The following PITPNC1 variants were observed in gnomAD, a reference collection of about 807,000 sequenced individuals.
The protein encoded by PITPNC1 is cytoplasmic phosphatidylinositol transfer protein 1.
In PITPNC1, 18 loss-of-function variants were observed where a neutral mutation model predicts 44.7. The ratio of observed to expected loss-of-function variants is 0.40; its 90% CI spans 0.28 to 0.60. The LOEUF (loss-of-function observed/expected upper bound fraction) is 0.60, where lower values mean the gene tolerates loss of function less well. Ranked by LOEUF, PITPNC1 falls within the 20% of genes least tolerant of loss-of-function variation. The probability of loss-of-function intolerance (pLI) is 0.39; values close to 1 mark genes in which losing one functional copy is unlikely to be tolerated. For missense variants in PITPNC1, 290 were observed against 418.4 expected (o/e 0.69, Z 2.68); for synonymous variants, 141 against 149.6 (o/e 0.94, Z 0.42).
chr17:67,403,947 G>C (rs577077655), intron 1 of PITPNC1, among the ~76,000 whole-genome samples: 1 of 152,254 alleles, frequency 6.6e-6, no homozygotes, highest in South Asian at 2.1e-4. Flanking sequence ...CCTTGAACCT[G>C]GGAGGTGGAG....
chr17:67,440,856 G>A (rs1390540456), intron 1 of PITPNC1, among the ~76,000 whole-genome samples: 1 of 151,994 alleles, frequency 6.6e-6, no homozygotes, highest in East Asian at 1.9e-4. Flanking sequence ...CCTCTTGCAG[G>A]ACTTTTGGGG....
intron 1 of PITPNC1, among the ~76,000 whole-genome samples, chr17:67,512,248 C>G (rs1031499337): frequency 1.3e-5 from 2 of 152,198 alleles, no homozygotes; most frequent in Non-Finnish European, 2.9e-5. Flanking sequence ...CCTGTAATCC[C>G]AGCACTTTGG....
At chr17:67,517,016 G>A (rs2040267635) in intron 1 of PITPNC1, among the ~76,000 whole-genome samples, 1 of 152,100 alleles carries the variant, frequency 6.6e-6, no homozygotes, top group African/African-American at 2.4e-5. Flanking sequence ...CACCCTTTCT[G>A]TCAATGCTGT....
intron 6 of PITPNC1, chr17:67,632,568 T>A: frequency 2.8e-5 from 5 of 176,468 alleles, no homozygotes; most frequent in East Asian, 1.3e-4. Flanking sequence ...TTACATGCGC[T>A]CTTTTTTTTT....
chr17:67,499,432 G>A (rs1255254508), intron 1 of PITPNC1, among the ~76,000 whole-genome samples: 1 of 151,826 alleles, frequency 6.6e-6, no homozygotes, highest in African/African-American at 2.4e-5. Flanking sequence ...GCCCAGGCTG[G>A]TCTTGAACTC....
intron 5 of PITPNC1, among the ~76,000 whole-genome samples, chr17:67,622,758 C>T (rs1199928737): frequency 1.3e-5 from 2 of 151,882 alleles, no homozygotes; most frequent in African/African-American, 4.8e-5. Context: ...TGCCTGTAGT[C>T]CCAGCTACTT....
At chr17:67,502,596 G>A (rs1184588043) in intron 1 of PITPNC1, among the ~76,000 whole-genome samples, 1 of 152,164 alleles carries the variant, frequency 6.6e-6, no homozygotes, top group African/African-American at 2.4e-5. Flanking sequence ...CTGCCATGGG[G>A]TAGAAGGGTT....
At chr17:67,610,476 A>C (rs1417017927) in intron 5 of PITPNC1, among the ~76,000 whole-genome samples, 1 of 152,212 alleles carries the variant, frequency 6.6e-6, no homozygotes, top group African/African-American at 2.4e-5. Context: ...TCTGATTTTT[A>C]CTTTTTTCTC....
intron 1 of PITPNC1, among the ~76,000 whole-genome samples, chr17:67,406,933 G>C (rs550805403): frequency 6.6e-6 from 1 of 152,126 alleles, no homozygotes; most frequent in African/African-American, 2.4e-5. Context: ...TATATATTTC[G>C]GACATTTGGG....
At chr17:67,647,795 T>C (rs771643803) in intron 6 of PITPNC1, among the ~76,000 whole-genome samples, 2 of 152,186 alleles carry the variant, frequency 1.3e-5, no homozygotes, top group Non-Finnish European at 2.9e-5. Flanking sequence ...GGGCAGGGCA[T>C]GTGTTCTCTC....
intron 4 of PITPNC1, among the ~76,000 whole-genome samples, chr17:67,559,868 C>T (rs1217556752): frequency 1.3e-5 from 2 of 152,156 alleles, no homozygotes; most frequent in African/African-American, 2.4e-5. Context: ...GAGCAAGACC[C>T]TGTCTCAAAA....
chr17:67,494,603 C>T (rs943911834), intron 1 of PITPNC1, among the ~76,000 whole-genome samples: 1 of 152,110 alleles, frequency 6.6e-6, no homozygotes. Flanking sequence ...CCAGCACATT[C>T]GGAGATGGTG....
intron 4 of PITPNC1, among the ~76,000 whole-genome samples, chr17:67,570,493 T>C (rs1456619370): frequency 1.3e-5 from 2 of 152,206 alleles, no homozygotes; most frequent in African/African-American, 4.8e-5. Flanking sequence ...ATCTTCATAG[T>C]GGAGGATCTG....
At chr17:67,615,389 G>A (rs1204215542) in intron 5 of PITPNC1, among the ~76,000 whole-genome samples, 2 of 152,278 alleles carry the variant, frequency 1.3e-5, no homozygotes, top group South Asian at 2.1e-4. Flanking sequence ...TAAGTACCTC[G>A]GGACGCTTGC....
chr17:67,621,731 C>T (rs2041832610), intron 5 of PITPNC1, among the ~76,000 whole-genome samples: 1 of 152,138 alleles, frequency 6.6e-6, no homozygotes, highest in Non-Finnish European at 1.5e-5. Flanking sequence ...CTCTAGAGTG[C>T]TGTCCTTAAG....
chr17:67,543,050 G>A (rs1252598022), intron 2 of PITPNC1, among the ~76,000 whole-genome samples: 1 of 152,270 alleles, frequency 6.6e-6, no homozygotes, highest in South Asian at 2.1e-4. Context: ...AGCAGTTAAG[G>A]TCCACAGTTG....
chr17:67,685,595 A>T (rs2042799925), intron 8 of PITPNC1, among the ~76,000 whole-genome samples: 1 of 152,242 alleles, frequency 6.6e-6, no homozygotes, highest in African/African-American at 2.4e-5. Flanking sequence ...AGGGTGGCAG[A>T]GGAAGCACTT....
In PITPNC1 at chr17:67,670,816, C is replaced by T. The variant is rs548161863; in HGVS notation, c.618+1153C>T. ...GTTACCAAATAATTGTTAACAGCCTCGGGATGCAGATTTCAATTGTAAACC... is the reference window on the plus strand; with the variant it reads ...GTTACCAAATAATTGTTAACAGCCTTGGGATGCAGATTTCAATTGTAAACC... On this transcript the variant is annotated intron_variant, in intron 7 of 8. Transcript: ENST00000581322. Among the ~76,000 whole-genome samples the T allele has an allele frequency of 5.5e-4, 83 of 151,496 alleles. No homozygotes were observed. In the South Asian group the frequency reaches 0.015, roughly 28 times the overall value.
intron 1 of PITPNC1, among the ~76,000 whole-genome samples, chr17:67,531,930 GT>G (rs1308277851): frequency 6.6e-6 from 1 of 151,878 alleles, no homozygotes; most frequent in Non-Finnish European, 1.5e-5. Context: ...CATCAAATTC[GT>G]TTTGCCACTT....
Sources: gnomAD v4.1 joint callset for allele counts (sites outside exome capture counted in the v4.1 genomes callset) on GRCh38, gnomAD v4.1.1 for gene constraint, MANE v1.5 for transcripts, NCBI Gene and HGNC (gene_info 2026-07-23, HGNC 2026-07-21) for gene names.